The following KANSL1L variants were observed in gnomAD, a reference collection of about 807,000 sequenced individuals.
KANSL1L encodes KAT8 regulatory NSL complex subunit 1 like, also known as KAT8 regulatory NSL complex subunit 1-like protein.
Under a neutral mutation model 108.6 loss-of-function variants are expected in KANSL1L, and 25 were observed. The ratio of observed to expected loss-of-function variants is 0.23; its 90% confidence interval spans 0.17 to 0.32. The LOEUF is 0.32. Among genes scored for constraint, KANSL1L ranks in the 10% least tolerant of loss-of-function variants. The pLI, the probability that KANSL1L is intolerant of heterozygous loss-of-function variation, is 1.00. For missense variants in KANSL1L, 1,137 were observed against 1,125.7 expected (o/e 1.01, Z -0.14); for synonymous variants, 405 against 395.1 (o/e 1.03, Z -0.30).
chr2:210,119,177 C>T (rs1017490938), intron 3 of KANSL1L, among the ~76,000 whole-genome samples: 3 of 150,356 alleles, frequency 2.0e-5, no homozygotes, highest in South Asian at 2.1e-4. Flanking sequence ...AGCGAGGCTC[C>T]GTCTCGAAAA....
intron 5 of KANSL1L, among the ~76,000 whole-genome samples, chr2:210,084,299 G>T (rs1485836860): frequency 6.6e-6 from 1 of 152,074 alleles, no homozygotes; most frequent in Non-Finnish European, 1.5e-5. Context: ...GCGGGCACCT[G>T]TAATCCTAGC....
intron 11 of KANSL1L, chr2:210,028,298 A>T (rs895282862): frequency 1.3e-5 from 2 of 151,594 alleles, no homozygotes; most frequent in African/African-American, 4.9e-5. Context: ...TCGTATCCCT[A>T]TGTAAATACC....
At chr2:210,156,851 G>A (rs2095336240) in intron 1 of KANSL1L, among the ~76,000 whole-genome samples, 1 of 151,858 alleles carries the variant, frequency 6.6e-6, no homozygotes, top group South Asian at 2.1e-4. Context: ...ATAGATGTTT[G>A]CCTTTTTATG....
chr2:210,121,179 T>C (rs916038929), intron 3 of KANSL1L, among the ~76,000 whole-genome samples: 3 of 152,144 alleles, frequency 2.0e-5, no homozygotes. Context: ...CATTCTATTA[T>C]AAAGATACAC....
At chr2:210,078,792 C>T (rs530757206) in intron 5 of KANSL1L, among the ~76,000 whole-genome samples, 4 of 152,212 alleles carry the variant, frequency 2.6e-5, no homozygotes, top group Non-Finnish European at 4.4e-5. Flanking sequence ...TAATCTAATG[C>T]TTTTTCCCCA....
intron 5 of KANSL1L, among the ~76,000 whole-genome samples, chr2:210,095,928 A>T (rs1234163692): frequency 1.3e-5 from 2 of 152,182 alleles, no homozygotes; most frequent in Non-Finnish European, 2.9e-5. Flanking sequence ...CAACTATTTT[A>T]AAAAGAGTTC....
chr2:210,086,343 A>G (rs1206116472), intron 5 of KANSL1L, among the ~76,000 whole-genome samples: 2 of 152,140 alleles, frequency 1.3e-5, no homozygotes, highest in Non-Finnish European at 1.5e-5. Flanking sequence ...ATAACATTTT[A>G]TCTTCATTTT....
chr2:210,141,788 T>C (rs189043204), intron 2 of KANSL1L, among the ~76,000 whole-genome samples: 3 of 152,324 alleles, frequency 2.0e-5, no homozygotes, highest in African/African-American at 7.2e-5. Context: ...TGTCAAATCC[T>C]TCTTCTGCAA....
At chr2:210,080,181 A>C (rs2094578918) in intron 5 of KANSL1L, 1 of 151,070 alleles carries the variant, frequency 6.6e-6, no homozygotes, top group African/African-American at 2.5e-5. Context: ...ACACTGCTTA[A>C]AATCTTCCAA....
At chr2:210,056,897 CTG>C (rs2094357515) in intron 6 of KANSL1L, among the ~76,000 whole-genome samples, 1 of 152,206 alleles carries the variant, frequency 6.6e-6, no homozygotes. Flanking sequence ...AGAGCTGTCC[CTG>C]TGTCCCAAAG....
At chr2:210,151,361 AT>A (rs1016478789) in intron 2 of KANSL1L, 4 of 152,124 alleles carry the variant, frequency 2.6e-5, no homozygotes, top group African/African-American at 9.7e-5. Context: ...AAAAAGACAA[AT>A]CTTTCCATTA....
intron 1 of KANSL1L, among the ~76,000 whole-genome samples, chr2:210,157,752 C>T (rs1559613931): frequency 6.8e-6 from 1 of 147,512 alleles, no homozygotes; most frequent in Non-Finnish European, 1.5e-5. Flanking sequence ...TGGCTCATGC[C>T]TATAATCCCA....
At chr2:210,051,374 T>C (rs1196595191) in intron 6 of KANSL1L, among the ~76,000 whole-genome samples, 2 of 152,224 alleles carry the variant, frequency 1.3e-5, no homozygotes, top group South Asian at 4.1e-4. Context: ...CTTTATATCC[T>C]ATATAAAAGT....
intron 8 of KANSL1L, chr2:210,032,273 G>C (rs2094029068): frequency 6.6e-6 from 1 of 152,198 alleles, no homozygotes; most frequent in Non-Finnish European, 1.5e-5. Context: ...CTGGTTTCAA[G>C]ATGGCAAATG....
At chr2:210,137,652 C>T (rs1455045039) in intron 2 of KANSL1L, among the ~76,000 whole-genome samples, 2 of 152,102 alleles carry the variant, frequency 1.3e-5, no homozygotes, top group Admixed American at 6.6e-5. Context: ...TATTGCATTT[C>T]CTCAGTGCTA....
chr2:210,145,727 A>G (rs1056919231), intron 2 of KANSL1L, among the ~76,000 whole-genome samples: 3 of 152,206 alleles, frequency 2.0e-5, no homozygotes, highest in Non-Finnish European at 4.4e-5. Flanking sequence ...ACAGATGTTG[A>G]AAGAGTAGCA....
intron 14 of KANSL1L, 80 bp from the exon 15 acceptor site, chr2:210,023,259 C>G (rs1279602718): frequency 1.1e-6 from 1 of 928,292 alleles, no homozygotes; most frequent in Non-Finnish European, 1.7e-6. Flanking sequence ...CTGTACATGT[C>G]TATATTGTAA....
intron 3 of KANSL1L, among the ~76,000 whole-genome samples, chr2:210,120,229 A>C (rs2095001546): frequency 6.6e-6 from 1 of 151,986 alleles, no homozygotes; most frequent in Non-Finnish European, 1.5e-5. Context: ...ATCTCTACTA[A>C]AATACAAAAA....
chr2:210,086,359 A>G (rs1230556959), intron 5 of KANSL1L, among the ~76,000 whole-genome samples: 2 of 152,094 alleles, frequency 1.3e-5, no homozygotes, highest in Non-Finnish European at 2.9e-5. Context: ...ATTTTAGAGT[A>G]TGAGATCTGA....
Sources: allele counts gnomAD v4.1 joint callset (sites outside exome capture counted in the v4.1 genomes callset), GRCh38; gene constraint gnomAD v4.1.1; transcripts MANE v1.5; gene names NCBI Gene and HGNC (gene_info 2026-07-23, HGNC 2026-07-21).